The following AAK1 variants were observed in gnomAD, a reference collection of about 807,000 sequenced individuals.
AAK1 encodes AP2 associated kinase 1.
Under a neutral mutation model 116.0 loss-of-function variants are expected in AAK1, and 37 were observed. The ratio of observed to expected loss-of-function variants is 0.32; its 90% CI spans 0.25 to 0.42. AAK1 has a LOEUF of 0.42. Among genes scored for constraint, AAK1 ranks in the 10% least tolerant of loss-of-function variants. The probability of loss-of-function intolerance (pLI) is 1.00; values close to 1 mark genes in which losing one functional copy is unlikely to be tolerated. For synonymous variants in AAK1, 458 were observed against 439.9 expected (o/e 1.04, Z -0.51); for missense variants, 919 against 1,170.6 (o/e 0.79, Z 3.14).
chr2:69,542,717 C>G, intron 4 of AAK1, 52 bp from the exon 5 acceptor site: 2 of 1,592,196 alleles, frequency 1.3e-6, no homozygotes, highest in African/African-American at 1.3e-5. Context: ...TCGGACTTGT[C>G]ATTTAGTCTA....
intron 2 of AAK1, among the ~76,000 whole-genome samples, chr2:69,614,259 G>C (rs1017906091): frequency 1.3e-5 from 2 of 152,148 alleles, no homozygotes; most frequent in African/African-American, 4.8e-5. Flanking sequence ...ATACTGGTGA[G>C]AAAACAGGCT....
chr2:69,631,027 A>T (rs1675151523), intron 2 of AAK1, among the ~76,000 whole-genome samples: 1 of 152,240 alleles, frequency 6.6e-6, no homozygotes, highest in Non-Finnish European at 1.5e-5. Context: ...TAAAATAATC[A>T]GCACTTCCTG....
intron 2 of AAK1, among the ~76,000 whole-genome samples, chr2:69,569,876 G>T (rs6546534): frequency 0.28 from 42,200 of 151,830 alleles, 6,286 homozygotes; most frequent in East Asian, 0.5. Flanking sequence ...TCTCCCTTAC[G>T]GATGGACACG....
At chr2:69,611,981 G>T (rs1243176347) in intron 2 of AAK1, among the ~76,000 whole-genome samples, 2 of 152,192 alleles carry the variant, frequency 1.3e-5, no homozygotes, top group Non-Finnish European at 2.9e-5. Flanking sequence ...AATGGTGGCT[G>T]CCAGGGGCTT....
intron 16 of AAK1, among the ~76,000 whole-genome samples, chr2:69,501,383 A>ATT (rs772349047): frequency 1.0e-4 from 15 of 147,958 alleles, no homozygotes; most frequent in Non-Finnish European, 2.0e-4. Context: ...ACAAAACCCC[A>ATT]TTTTTTTTTT....
rs1008362324 is a variant in AAK1 at position 69,637,108 on chromosome 2, A to C, written c.163+5770T>G. Among the ~76,000 whole-genome samples the C allele has an allele frequency of 7.9e-5, 12 of 152,350 alleles. No homozygotes were observed. In the South Asian group the frequency reaches 2.3e-3, roughly 29 times the overall value. On this transcript the variant is annotated intron_variant, in intron 2 of 21. Coordinates refer to ENST00000409085, the MANE Select transcript of AAK1 (RefSeq NM_014911.5). Reference sequence around the variant, plus strand: ...GCTATCTCAAAACATACAGCTCCCCAGTAAGCAGTTATTTTTCTGCTTTTG... The same window carrying C: ...GCTATCTCAAAACATACAGCTCCCCCGTAAGCAGTTATTTTTCTGCTTTTG...
chr2:69,473,738 A>C lies in AAK1; in HGVS notation c.*2131T>G. The C allele has an allele frequency of 1.0e-6, 1 of 972,522 alleles. No homozygotes were observed. The highest frequency in any genetic ancestry group is 1.2e-6 in the Non-Finnish European group (1 of 817,782). The allele number at this position is 972,522 out of a possible 1,614,324, so 60.2% of individuals were successfully genotyped here. On this transcript the variant is annotated 3_prime_UTR_variant, in exon 22 of 22. Transcript: ENST00000409085. ...TTATATTTCTAACATGTATATACGA[A>C]AAAAATCAAATATGAAAACATAGAA...
chr2:69,593,983 A>C (rs1271573319), intron 2 of AAK1, among the ~76,000 whole-genome samples: 2 of 152,170 alleles, frequency 1.3e-5, no homozygotes, highest in Non-Finnish European at 2.9e-5. Context: ...TCTCCATTTT[A>C]ATGTATTGCT....
intron 16 of AAK1, among the ~76,000 whole-genome samples, chr2:69,498,381 A>T (rs1388650310): frequency 2.0e-5 from 3 of 151,798 alleles, no homozygotes; most frequent in Non-Finnish European, 4.4e-5. Context: ...GTCTCTCTCC[A>T]GTTCTGCCTC....
At chr2:69,600,120 C>A (rs1673503368) in intron 2 of AAK1, among the ~76,000 whole-genome samples, 1 of 151,840 alleles carries the variant, frequency 6.6e-6, no homozygotes, top group East Asian at 1.9e-4. Flanking sequence ...CATTTTTCCA[C>A]CTGGAAATTA....
intron 2 of AAK1, among the ~76,000 whole-genome samples, chr2:69,559,456 T>C (rs891570304): frequency 6.6e-6 from 1 of 152,258 alleles, no homozygotes; most frequent in African/African-American, 2.4e-5. Context: ...TGTTCTCTTA[T>C]AATTAATCAG....
chr2:69,627,607 T>C (rs1306260755), intron 2 of AAK1, among the ~76,000 whole-genome samples: 1 of 152,216 alleles, frequency 6.6e-6, no homozygotes, highest in African/African-American at 2.4e-5. Flanking sequence ...TCACTGTGAC[T>C]AAAAAGCAAG....
chr2:69,584,736 C>T (rs963489539), intron 2 of AAK1, among the ~76,000 whole-genome samples: 1 of 152,218 alleles, frequency 6.6e-6, no homozygotes, highest in African/African-American at 2.4e-5. Context: ...AGCGACTGGT[C>T]TCAGTAAGAT....
intron 17 of AAK1, among the ~76,000 whole-genome samples, chr2:69,486,279 T>C (rs1675297428): frequency 6.6e-6 from 1 of 152,110 alleles, no homozygotes; most frequent in African/African-American, 2.4e-5. Flanking sequence ...CTAATATTTT[T>C]ATAAGTCATT....
At chr2:69,600,066 G>A (rs568946433) in intron 2 of AAK1, among the ~76,000 whole-genome samples, 75 of 151,808 alleles carry the variant, frequency 4.9e-4, no homozygotes, top group Non-Finnish European at 9.4e-4. Context: ...ACAGGCATGA[G>A]CCACTGTGTC....
In AAK1 at chr2:69,622,104, G is replaced by A. The variant is rs546798408; in HGVS notation, c.163+20774C>T. ...GGAGGGAGAGGTGCGGGCGGGAACC[G>A]GGGCTGCGCAGGGCGCCTGTGGGCC... On this transcript the variant is annotated intron_variant, in intron 2 of 21. Transcript: ENST00000409085. Among the ~76,000 whole-genome samples, 73 of 152,356 alleles carry A rather than the reference G, an allele frequency of 4.8e-4. 1 individual carries two copies. Among genetic ancestry groups the A allele is most frequent in the African/African-American group, 1.7e-3 (72 of 41,588 alleles).
rs1218198177 is a variant in AAK1, at chr2:69,462,638, T to C, written c.*13231A>G. On this transcript the variant is annotated 3_prime_UTR_variant, in exon 22 of 22. Transcript: ENST00000409085. ...TTGCAGTGAGCCGAGATCACACCAC[T>C]GCACTCCCGCCTGAGCGACAGAGCA... is the stretch of plus-strand genomic sequence containing the variant. 1 of 150,734 alleles carries C rather than the reference T, an allele frequency of 6.6e-6. No individual in the cohort carries two copies. Among genetic ancestry groups the C allele is most frequent in the African/African-American group, 2.5e-5 (1 of 40,778 alleles). The allele number at this position is 150,734 out of a possible 1,614,324, so 9.3% of individuals were successfully genotyped here.
rs528563875 is a variant in AAK1 at position 69,471,936 on chromosome 2, C to A, written c.*3933G>T. ...AATATTACATCTTGAGAAAGTAGTT[C>A]GTTTCTTGGGTTTGTTTTTCCACAA... On this transcript the variant is annotated 3_prime_UTR_variant, in exon 22 of 22. Transcript: ENST00000409085. 2 of 985,342 alleles carry A rather than the reference C, an allele frequency of 2.0e-6. No homozygotes were observed. Among genetic ancestry groups the A allele is most frequent in the African/African-American group, 3.5e-5 (2 of 57,354 alleles). 61.0% of individuals were successfully genotyped at this position (985,342 alleles called of 1,614,324 possible).
At chr2:69,572,558 G>A (rs1207584087) in intron 2 of AAK1, among the ~76,000 whole-genome samples, 1 of 147,814 alleles carries the variant, frequency 6.8e-6, no homozygotes. Flanking sequence ...GGAAGAGGTT[G>A]CAGTGAGCCG....
Sources: allele counts gnomAD v4.1 joint callset (sites outside exome capture counted in the v4.1 genomes callset), GRCh38; gene constraint gnomAD v4.1.1; transcripts MANE v1.5; gene names NCBI Gene and HGNC (gene_info 2026-07-23, HGNC 2026-07-21).